NMBR: variants seen among roughly 807,000 people sequenced by gnomAD.
NMBR encodes neuromedin-B receptor.
Under a neutral mutation model 20.5 loss-of-function variants are expected in NMBR, and 16 were observed. That is an observed-to-expected ratio of 0.78 (90% confidence interval 0.53 to 1.19). NMBR has a LOEUF of 1.19. Ranked by LOEUF, NMBR falls within the 50% of genes most tolerant of loss-of-function variation. The probability of loss-of-function intolerance (pLI) is 0.00; values close to 1 mark genes in which losing one functional copy is unlikely to be tolerated. For missense variants in NMBR, 582 were observed against 499.1 expected, an observed-to-expected ratio of 1.17 and a Z score of -1.58; for synonymous variants, 212 against 196.6, an observed-to-expected ratio of 1.08 and a Z score of -0.65.
Position 142,079,030 on chromosome 6 carries a change from A to AAGAAAGAAAGAG in NMBR, c.423-139_423-128dup, listed in dbSNP as rs1263633219. 95 of 514,756 alleles carry AAGAAAGAAAGAG rather than the reference A, an allele frequency of 1.8e-4. 1 individual carries two copies. Among genetic ancestry groups the AAGAAAGAAAGAG allele is most frequent in the Middle Eastern group, 1.6e-3 (3 of 1,872 alleles). The allele number at this position is 514,756 out of a possible 1,614,324, so 31.9% of individuals were successfully genotyped here. On this transcript the variant is annotated intron_variant, in intron 2 of 3. Transcript: ENST00000258042. ...AAAGGAAGAAAGGGAGAGAGAGAGAAAGAAAGAAAGAGAGAAAGAAAGAGA... is the reference window on the plus strand; with the variant it reads ...AAAGGAAGAAAGGGAGAGAGAGAGAAAGAAAGAAAGAGAGAAAGAAAGAGAGAAAGAAAGAGA...
chr6:142,082,914 T>C (rs1405870358), intron 2 of NMBR, among the ~76,000 whole-genome samples: 1 of 152,220 alleles, frequency 6.6e-6, no homozygotes, highest in Non-Finnish European at 1.5e-5. Context: ...AATGGATACA[T>C]GGTTAGCAGC....
intron 1 of NMBR, among the ~76,000 whole-genome samples, chr6:142,144,082 G>T (rs2114617566): frequency 6.6e-6 from 1 of 152,300 alleles, no homozygotes; most frequent in South Asian, 2.1e-4. Context: ...GTGTCTACAT[G>T]TCCCAGCCAT....
chr6:142,093,609 A>G (rs1251842237), intron 1 of NMBR, among the ~76,000 whole-genome samples: 2 of 152,088 alleles, frequency 1.3e-5, no homozygotes, highest in African/African-American at 4.8e-5. Flanking sequence ...GCCACAATAA[A>G]CATATGTGTG....
intron 1 of NMBR, among the ~76,000 whole-genome samples, chr6:142,105,039 G>A (rs1354325310): frequency 6.6e-6 from 1 of 152,046 alleles, no homozygotes; most frequent in Non-Finnish European, 1.5e-5. Context: ...TCTTAAGGGT[G>A]GGGGAGGATA....
Position 142,130,411 on chromosome 6 carries a change from G to T in NMBR, c.-664+16633C>A, listed in dbSNP as rs77481331. On this transcript the variant is annotated intron_variant, in intron 1 of 3. Transcript: ENST00000258042. ...TAATGGTGTGGCTATAATGTCCTTTGATTAGACTTTTTAAATATTTAAGGC... is the reference window on the plus strand; with the variant it reads ...TAATGGTGTGGCTATAATGTCCTTTTATTAGACTTTTTAAATATTTAAGGC... 7.0e-3 allele frequency among the ~76,000 whole-genome samples: 1,066 copies of T among 151,938 alleles called. 15 individuals are homozygous for T. Among genetic ancestry groups the T allele is most frequent in the African/African-American group, 0.025 (1,017 of 41,442 alleles).
intron 1 of NMBR, among the ~76,000 whole-genome samples, chr6:142,098,597 T>C (rs1163955672): frequency 1.3e-5 from 2 of 152,108 alleles, no homozygotes; most frequent in Non-Finnish European, 2.9e-5. Flanking sequence ...AAATATGAAG[T>C]ACTTAGACTA....
At chr6:142,100,202 C>T (rs1777533649) in intron 1 of NMBR, among the ~76,000 whole-genome samples, 1 of 152,212 alleles carries the variant, frequency 6.6e-6, no homozygotes, top group East Asian at 1.9e-4. Flanking sequence ...ATCCATCACA[C>T]TCCTTCCTGT....
chr6:142,079,829 T>C, intron 2 of NMBR, among the ~76,000 whole-genome samples: 1 of 152,162 alleles, frequency 6.6e-6, no homozygotes, highest in South Asian at 2.1e-4. Flanking sequence ...CAACCTAAAA[T>C]ATTAATGGCA....
intron 2 of NMBR, among the ~76,000 whole-genome samples, chr6:142,085,215 A>C (rs1777177903): frequency 6.6e-6 from 1 of 152,118 alleles, no homozygotes; most frequent in Non-Finnish European, 1.5e-5. Context: ...GAGTTTGGAA[A>C]GTTGAGGATT....
At chr6:142,096,642 T>C (rs1028124987) in intron 1 of NMBR, among the ~76,000 whole-genome samples, 4 of 152,184 alleles carry the variant, frequency 2.6e-5, no homozygotes, top group African/African-American at 9.6e-5. Flanking sequence ...AAAGAATGTA[T>C]ATTCTGTTGA....
At chr6:142,085,523 CA>C (rs200361316) in intron 2 of NMBR, among the ~76,000 whole-genome samples, 2,100 of 151,986 alleles carry the variant, frequency 0.014, 44 homozygotes, top group South Asian at 0.068. Flanking sequence ...GATTCTGTCT[CA>C]AAAAAATAAA....
chr6:142,103,690 G>T (rs116408188), intron 1 of NMBR, among the ~76,000 whole-genome samples: 1 of 151,918 alleles, frequency 6.6e-6, no homozygotes, highest in South Asian at 2.1e-4. Context: ...GATACTGATG[G>T]GTTATAAGCA....
intron 2 of NMBR, among the ~76,000 whole-genome samples, chr6:142,081,569 A>G (rs1266328901): frequency 1.3e-5 from 2 of 152,206 alleles, no homozygotes; most frequent in Non-Finnish European, 2.9e-5. Context: ...ACAGAATTAG[A>G]GTTGAAAATA....
intron 1 of NMBR, among the ~76,000 whole-genome samples, chr6:142,104,987 A>C (rs530039613): frequency 6.6e-6 from 1 of 152,160 alleles, no homozygotes; most frequent in Non-Finnish European, 1.5e-5. Context: ...TGGATCTTAC[A>C]AAGTACATTC....
intron 2 of NMBR, among the ~76,000 whole-genome samples, chr6:142,085,967 A>T (rs1041449083): frequency 1.3e-5 from 2 of 149,202 alleles, no homozygotes; most frequent in African/African-American, 4.9e-5. Flanking sequence ...TTTTGCAGTT[A>T]CATTTTATGA....
rs139216475 is a variant in NMBR, at chr6:142,116,225, G to A, written c.-663-26904C>T. On this transcript the variant is annotated intron_variant, in intron 1 of 3. Coordinates refer to ENST00000258042, the MANE Select transcript of NMBR (RefSeq NM_002511.4). ...ATGTCTTTATCAGCAGCATGACAAT[G>A]GACTAAAACAATACCCCTTCTTCTC... is the stretch of plus-strand genomic sequence containing the variant. 2.9e-4 allele frequency among the ~76,000 whole-genome samples: 44 copies of A among 151,862 alleles called. No individual in the cohort carries two copies. The East Asian group carries it at 5.4e-3, about 19-fold the overall frequency.
intron 1 of NMBR, among the ~76,000 whole-genome samples, chr6:142,114,308 T>G (rs535654039): frequency 1.4e-4 from 21 of 152,072 alleles, no homozygotes; most frequent in African/African-American, 4.8e-4. Flanking sequence ...CTTTTTTTCT[T>G]TTCATTTTTT....
At chr6:142,113,992 G>A (rs959892124) in intron 1 of NMBR, among the ~76,000 whole-genome samples, 5 of 151,954 alleles carry the variant, frequency 3.3e-5, no homozygotes, top group African/African-American at 9.7e-5. Flanking sequence ...TTCCCCCTAC[G>A]TGGCATCTTT....
intron 1 of NMBR, among the ~76,000 whole-genome samples, chr6:142,132,579 T>A (rs887602677): frequency 2.0e-5 from 3 of 152,178 alleles, no homozygotes; most frequent in Non-Finnish European, 4.4e-5. Context: ...AATAATGCAA[T>A]AACTATTATA....
Sources: allele counts gnomAD v4.1 joint callset (sites outside exome capture counted in the v4.1 genomes callset), GRCh38; gene constraint gnomAD v4.1.1; transcripts MANE v1.5; gene names NCBI Gene and HGNC (gene_info 2026-07-23, HGNC 2026-07-21).